Variants in LINGO2 observed in about 807,000 individuals in gnomAD.
LINGO2 encodes the protein leucine-rich repeat and immunoglobulin-like domain-containing nogo receptor-interacting protein 2.
A neutral mutation model predicts 30.6 loss-of-function variants in LINGO2; 14 were observed. That is an observed-to-expected ratio of 0.46 (90% CI 0.30 to 0.72). The LOEUF (loss-of-function observed/expected upper bound fraction) is 0.72, where lower values mean the gene tolerates loss of function less well. LINGO2 is among the 30% of genes least tolerant of loss of function. The probability of loss-of-function intolerance (pLI) is 0.07; values close to 1 mark genes in which losing one functional copy is unlikely to be tolerated. For synonymous variants in LINGO2, 317 were observed against 288.5 expected, an observed-to-expected ratio of 1.10 and a Z score of -1.00; for missense variants, 729 against 751.7, an observed-to-expected ratio of 0.97 and a Z score of 0.35.
intron 1 of LINGO2, among the ~76,000 whole-genome samples, chr9:28,513,084 TACACACACACACACACACACAC>T (rs57773955): frequency 3.4e-5 from 5 of 146,756 alleles, no homozygotes; most frequent in Admixed American, 1.4e-4. Context: ...TTAACCATCA[TACACACACACACACACACACAC>T]ACACACACAC....
At chr9:28,644,824 A>C (rs1265348243) in intron 1 of LINGO2, among the ~76,000 whole-genome samples, 1 of 152,054 alleles carries the variant, frequency 6.6e-6, no homozygotes, top group African/African-American at 2.4e-5. Flanking sequence ...TCTACTATGT[A>C]TCTATGTACT....
the LINGO2 span, among the ~76,000 whole-genome samples, chr9:28,961,133 G>A: frequency 4.6e-5 from 7 of 152,110 alleles, no homozygotes; most frequent in South Asian, 1.0e-3. Context: ...GTAAGGTTTG[G>A]AATAATTGGA....
Position 28,329,553 on chromosome 9 carries a change from A to G in LINGO2, c.-245-34187T>C, listed in dbSNP as rs1825347049. On this transcript the variant is annotated intron_variant, in intron 3 of 5. Coordinates refer to ENST00000379992, the Ensembl canonical transcript of LINGO2. The surrounding 1 kb of genome is among the most constrained non-coding windows in gnomAD (Gnocchi z 4.5). Reference sequence around the variant, plus strand: ...CAACATGCATGTTCAGACTTGTTTGAGCCAGGGCTTCGGTTCAAGCCAGGA... The same window carrying G: ...CAACATGCATGTTCAGACTTGTTTGGGCCAGGGCTTCGGTTCAAGCCAGGA... Among the ~76,000 whole-genome samples the G allele has an allele frequency of 6.6e-6, 1 of 152,154 alleles. No individual in the cohort carries two copies. Among genetic ancestry groups the G allele is most frequent in the Non-Finnish European group, 1.5e-5 (1 of 68,036 alleles).
the LINGO2 span, among the ~76,000 whole-genome samples, chr9:29,069,649 T>G: frequency 6.6e-6 from 1 of 152,096 alleles, no homozygotes; most frequent in Non-Finnish European, 1.5e-5. Context: ...TAATAATAAT[T>G]TAGTCTCTCA....
At chr9:28,945,185 T>C in the LINGO2 span, among the ~76,000 whole-genome samples, 1 of 152,194 alleles carries the variant, frequency 6.6e-6, no homozygotes, top group Non-Finnish European at 1.5e-5. Flanking sequence ...CAAGCCAGTA[T>C]TTCCTATAAA....
At chr9:28,933,065 C>A in the LINGO2 span, among the ~76,000 whole-genome samples, 22 of 152,146 alleles carry the variant, frequency 1.4e-4, no homozygotes, top group East Asian at 4.3e-3. Flanking sequence ...CACCACCATG[C>A]CTGGCTAATT....
the LINGO2 span, among the ~76,000 whole-genome samples, chr9:29,009,284 C>T: frequency 6.6e-6 from 1 of 152,094 alleles, no homozygotes; most frequent in Admixed American, 6.6e-5. Context: ...TTTAGAGAAC[C>T]CCATTGTCTC....
intron 4 of LINGO2, among the ~76,000 whole-genome samples, chr9:28,231,451 A>G (rs1171286351): frequency 2.0e-5 from 3 of 152,074 alleles, no homozygotes; most frequent in African/African-American, 7.2e-5. Context: ...GGATTCTTAA[A>G]TATTTAAGAA....
At chr9:27,983,386 A>G (rs1277837174) in intron 5 of LINGO2, among the ~76,000 whole-genome samples, 1 of 151,868 alleles carries the variant, frequency 6.6e-6, no homozygotes, top group Admixed American at 6.6e-5. Flanking sequence ...ACAGTGAGGA[A>G]GTGAGACACC....
At chr9:29,067,263 C>T in the LINGO2 span, among the ~76,000 whole-genome samples, 46 of 151,626 alleles carry the variant, frequency 3.0e-4, no homozygotes, top group Non-Finnish European at 4.6e-4. Context: ...GCTGGGAACA[C>T]ACTATAGATA....
At chr9:28,640,106 C>G (rs1234712569) in intron 1 of LINGO2, among the ~76,000 whole-genome samples, 1 of 152,092 alleles carries the variant, frequency 6.6e-6, no homozygotes, top group East Asian at 1.9e-4. Flanking sequence ...ATATGAAATT[C>G]TGGGTTGAAA....
At chr9:29,161,549 G>A in the LINGO2 span, among the ~76,000 whole-genome samples, 1 of 152,148 alleles carries the variant, frequency 6.6e-6, no homozygotes, top group Non-Finnish European at 1.5e-5. Flanking sequence ...CTCAAACATT[G>A]GTGTACATCA....
At chr9:28,845,236 A>T in the LINGO2 span, among the ~76,000 whole-genome samples, 1 of 151,872 alleles carries the variant, frequency 6.6e-6, no homozygotes, top group Non-Finnish European at 1.5e-5. Context: ...TTGAATTGGG[A>T]GTTGAAGAAC....
At chr9:28,883,920 C>T in the LINGO2 span, among the ~76,000 whole-genome samples, 1 of 151,026 alleles carries the variant, frequency 6.6e-6, no homozygotes, top group Admixed American at 6.6e-5. Flanking sequence ...TCAAGTGATC[C>T]ACTAGCCTCA....
chr9:28,864,100 T>C, the LINGO2 span, among the ~76,000 whole-genome samples: 2 of 152,124 alleles, frequency 1.3e-5, no homozygotes, highest in Non-Finnish European at 1.5e-5. Flanking sequence ...TCACAGTATA[T>C]AAGTGTTGCT....
chr9:28,370,490 T>A (rs1820852718), intron 3 of LINGO2, among the ~76,000 whole-genome samples: 1 of 152,204 alleles, frequency 6.6e-6, no homozygotes, highest in South Asian at 2.1e-4. Context: ...TCAGTGTTAT[T>A]GATAAGGTTT....
At position 28,148,281 on chromosome 9, in the gene LINGO2, C is replaced by A; in HGVS notation, c.-86-135876G>T. On this transcript the variant is annotated intron_variant, in intron 4 of 5. Transcript: ENST00000379992. This position sits in a 1 kb window ranked among gnomAD's most constrained non-coding sequence, Gnocchi z 5.1. ...GTCCTGTCTCCTGTGGTCTGGAGCCCCGCCTCAAGGAAGAAACCCATGCTG... is the reference window on the plus strand; with the variant it reads ...GTCCTGTCTCCTGTGGTCTGGAGCCACGCCTCAAGGAAGAAACCCATGCTG... 2 of 788,018 alleles carry A rather than the reference C, an allele frequency of 2.5e-6. No individual in the cohort carries two copies. The highest frequency in any genetic ancestry group is 4.2e-6 in the Non-Finnish European group (2 of 479,896). The allele number at this position is 788,018 out of a possible 1,614,324, so 48.8% of individuals were successfully genotyped here. A position where few individuals can be genotyped will look rare whatever the true frequency, so the allele number is the denominator to read the frequency against.
the LINGO2 span, among the ~76,000 whole-genome samples, chr9:29,183,033 A>C: frequency 6.6e-6 from 1 of 152,218 alleles, no homozygotes; most frequent in African/African-American, 2.4e-5. Context: ...AAAACAATGC[A>C]AAATAAAACT....
intron 4 of LINGO2, among the ~76,000 whole-genome samples, chr9:28,179,378 T>C (rs993258250): frequency 5.2e-5 from 7 of 133,560 alleles, no homozygotes; most frequent in Non-Finnish European, 1.1e-4. Context: ...TATATTATGC[T>C]ATATATAGTA....
Sources: allele counts gnomAD v4.1 joint callset (sites outside exome capture counted in the v4.1 genomes callset), GRCh38; gene constraint gnomAD v4.1.1; non-coding constraint Gnocchi (gnomAD v3.1); transcripts MANE v1.5; gene names NCBI Gene and HGNC (gene_info 2026-07-23, HGNC 2026-07-21).